Variants in ATP12A observed in about 807,000 individuals in gnomAD.
The protein encoded by ATP12A is ATPase H+/K+ transporting non-gastric alpha2 subunit.
In ATP12A, 81 loss-of-function variants were observed where a neutral mutation model predicts 111.2. The observed-to-expected ratio is 0.73, with a 90% CI of 0.61 to 0.88. The LOEUF is 0.88. ATP12A is among the 40% of genes least tolerant of loss of function. ATP12A has a pLI of 0.00. For missense variants in ATP12A, 1,196 were observed against 1,313.1 expected (o/e 0.91, Z 1.38); for synonymous variants, 498 against 499.8 (o/e 1.00, Z 0.05).
chr13:24,700,850 CTT>C lies in ATP12A; in HGVS notation c.1810_1811del (p.Leu604ValfsTer30), dbSNP rs776012774. The C allele has an allele frequency of 6.2e-7, 1 of 1,614,164 alleles. No homozygotes were observed. The highest frequency in any genetic ancestry group is 8.5e-7 in the Non-Finnish European group (1 of 1,180,028). ...CCTCCAACCTCTGTTTTGTGGGACT[CTT>C]GTCAATGATCGATCCCCCTCGGTCC... ...PTSNLCFVGL[L>X]SMIDPPRSTV... On this transcript the variant is annotated frameshift_variant, in exon 13 of 23. Transcript: ENST00000381946. LOFTEE classifies it high-confidence loss of function.
At chr13:24,700,350 T>G (rs1875339327) in intron 12 of ATP12A, among the ~76,000 whole-genome samples, 1 of 152,190 alleles carries the variant, frequency 6.6e-6, no homozygotes, top group Non-Finnish European at 1.5e-5. Context: ...CCTCTCAAGC[T>G]TCACCTCACA....
chr13:24,701,222 G>T (rs1875378778), intron 13 of ATP12A, among the ~76,000 whole-genome samples: 1 of 152,132 alleles, frequency 6.6e-6, no homozygotes. Context: ...TATTGGCTGG[G>T]CGCAGTGGCT....
chr13:24,693,579 A>C (rs2137700924), intron 10 of ATP12A, among the ~76,000 whole-genome samples: 1 of 152,068 alleles, frequency 6.6e-6, no homozygotes, highest in South Asian at 2.1e-4. Context: ...TCTTACCTCA[A>C]CTCCAACCCG....
rs139532001 is a variant in ATP12A, at chr13:24,688,494, C to A, written c.404C>A (p.Ser135Tyr). Residue 135 changes from serine to tyrosine, a missense_variant, in exon 4 of 23, where the codon TCC becomes TAC. Physicochemically the swap from Ser to Tyr is moderately radical, Grantham distance 144. Coordinates refer to ENST00000381946, the MANE Select transcript of ATP12A (RefSeq NM_001676.7). ...TGGATTGCATATGGGATTCAGTACTCCAGCGACAAGTCTGCATCCCTGAAC... is the reference window on the plus strand; with the variant it reads ...TGGATTGCATATGGGATTCAGTACTACAGCGACAAGTCTGCATCCCTGAAC... ...LCWIAYGIQY[S>Y]SDKSASLNNV... 3 of 1,605,942 alleles carry A rather than the reference C, an allele frequency of 1.9e-6. No individual in the cohort carries two copies. In the South Asian group the frequency reaches 3.3e-5, roughly 18 times the overall value.
At chr13:24,680,812 C>T (rs771477873) in intron 1 of ATP12A, 60 bp downstream of exon 1, 29 of 1,444,374 alleles carry the variant, frequency 2.0e-5, no homozygotes, top group Non-Finnish European at 2.5e-5. Context: ...CCCCGGGGAC[C>T]GGAGCAGGCT....
intron 4 of ATP12A, among the ~76,000 whole-genome samples, chr13:24,688,896 CA>C (rs1363037516): frequency 1.3e-5 from 2 of 152,078 alleles, no homozygotes; most frequent in African/African-American, 4.8e-5. Flanking sequence ...CCAGAGGCAA[CA>C]AGCTACATGT....
At chr13:24,705,001 T>C (rs1282192167) in intron 14 of ATP12A, among the ~76,000 whole-genome samples, 2 of 151,640 alleles carry the variant, frequency 1.3e-5, no homozygotes, top group Non-Finnish European at 1.5e-5. Flanking sequence ...TTACTTTCTT[T>C]TGTTTTGTTT....
intron 10 of ATP12A, 57 bp from the exon 11 acceptor site, chr13:24,694,387 A>G: frequency 6.2e-7 from 1 of 1,604,288 alleles, no homozygotes; most frequent in Non-Finnish European, 8.5e-7. Context: ...TCCTATGCTG[A>G]GGGCATGTTG....
chr13:24,690,809 T>C (rs1874861227), intron 7 of ATP12A, 88 bp downstream of exon 7: 2 of 1,455,080 alleles, frequency 1.4e-6, no homozygotes, highest in African/African-American at 2.8e-5. Context: ...CCACACCCCG[T>C]TACAAAGCTC....
In ATP12A at chr13:24,699,356, G is replaced by A. The variant is rs571211339; in HGVS notation, c.1705+506G>A. ...TGCCACTAGAGTGAGCTGGGCAGTC[G>A]CAGGGCTGGGGAAGACTTTATGGAA... On this transcript the variant is annotated intron_variant, in intron 12 of 22. Transcript: ENST00000381946. 3.9e-4 allele frequency among the ~76,000 whole-genome samples: 60 copies of A among 152,306 alleles called. 1 individual carries two copies. The highest frequency in any genetic ancestry group is 3.7e-3 in the South Asian group (18 of 4,828).
intron 7 of ATP12A, 94 bp from the exon 8 acceptor site, chr13:24,690,888 A>C (rs1414769609): frequency 2.0e-6 from 3 of 1,533,512 alleles, no homozygotes; most frequent in African/African-American, 1.4e-5. Context: ...TGGTGTGCCT[A>C]TCGATTGTGC....
At position 24,712,282 on chromosome 13, in the gene ATP12A, C is replaced by T. The variant is rs1222677827; in HGVS notation, c.*760C>T. On this transcript the variant is annotated 3_prime_UTR_variant, in exon 23 of 23. Transcript: ENST00000381946. ...GGGACTTTCTTTACCAGGATTCAAC[C>T]CTAGTAGAGAGCTGTTATGGTTTCA... 1 of 152,302 alleles carries T rather than the reference C, an allele frequency of 6.6e-6. No individual in the cohort carries two copies. The highest frequency in any genetic ancestry group is 1.9e-4 in the East Asian group (1 of 5,192). The allele number at this position is 152,302 out of a possible 1,614,324, so 9.4% of individuals were successfully genotyped here. A position where few individuals can be genotyped will look rare whatever the true frequency, so the allele number is the denominator to read the frequency against.
chr13:24,682,248 G>A lies in ATP12A; in HGVS notation c.168+528G>A, dbSNP rs1485922273. 2.3e-5 allele frequency among the ~76,000 whole-genome samples: 3 copies of A among 133,312 alleles called. 1 individual carries two copies. Among genetic ancestry groups the A allele is most frequent in the Non-Finnish European group, 3.2e-5 (2 of 62,100 alleles). 87.5% of individuals were successfully genotyped at this position (133,312 alleles called of 152,430 possible). A position where few individuals can be genotyped will look rare whatever the true frequency, so the allele number is the denominator to read the frequency against. Reference sequence around the variant, plus strand: ...TGTATGTGCATGGTATGTGTGGTGTGTGTGTAGCGTGTGGTGTGTGTGTAG... The same window carrying A: ...TGTATGTGCATGGTATGTGTGGTGTATGTGTAGCGTGTGGTGTGTGTGTAG... On this transcript the variant is annotated intron_variant, in intron 2 of 22. Coordinates refer to ENST00000381946, the MANE Select transcript of ATP12A (RefSeq NM_001676.7).
chr13:24,682,436 T>G (rs1874516144), intron 2 of ATP12A, among the ~76,000 whole-genome samples: 2 of 145,238 alleles, frequency 1.4e-5, no homozygotes, highest in African/African-American at 5.1e-5. Context: ...TGTGATAGTA[T>G]CCACCCAGAG....
chr13:24,707,016 G>C lies in ATP12A; in HGVS notation c.2170-7G>C. 6.3e-7 allele frequency: 1 copy of C among 1,586,212 alleles called. No homozygotes were observed. The highest frequency in any genetic ancestry group is 8.6e-7 in the Non-Finnish European group (1 of 1,164,146). Reference sequence around the variant, plus strand: ...CTCCCACTTTCTCCCTGGGTCCCCCGCCATAGGATGCTGTTGTTGCTGTGA... The same window carrying C: ...CTCCCACTTTCTCCCTGGGTCCCCCCCCATAGGATGCTGTTGTTGCTGTGA... On this transcript the variant is annotated splice_polypyrimidine_tract_variant and splice_region_variant and intron_variant, in intron 15 of 22. Transcript: ENST00000381946.
rs761377237 is a variant in ATP12A at position 24,701,922 on chromosome 13, G to C, written c.1882-13G>C. On this transcript the variant is annotated splice_polypyrimidine_tract_variant and intron_variant, in intron 13 of 22. Transcript: ENST00000381946. ...TTCATTACCCGTGGGCCTTCTCGTTGTCTTTGCTCTAGGTTATTATGGTTA... is the reference window on the plus strand; with the variant it reads ...TTCATTACCCGTGGGCCTTCTCGTTCTCTTTGCTCTAGGTTATTATGGTTA... The C allele has an allele frequency of 6.2e-7, 1 of 1,614,170 alleles. No homozygotes were observed. Among genetic ancestry groups the C allele is most frequent in the Non-Finnish European group, 8.5e-7 (1 of 1,180,020 alleles).
rs112189083 is a variant in ATP12A, at chr13:24,690,491, C to G, written c.681+19C>G. ...GTGTCGGGTAAGCGGCAAGGGGTAT[C>G]CACCCCAAGGACCATGTTCCAAACC... On this transcript the variant is annotated intron_variant, in intron 6 of 22. Transcript: ENST00000381946. The G allele has an allele frequency of 1.5e-5, 24 of 1,613,036 alleles. 1 individual carries two copies. The East Asian group carries it at 4.9e-4, about 33-fold the overall frequency.
intron 17 of ATP12A, among the ~76,000 whole-genome samples, chr13:24,708,735 A>G (rs565699156): frequency 6.6e-6 from 1 of 151,986 alleles, no homozygotes; most frequent in African/African-American, 2.4e-5. Flanking sequence ...AAGAACAAAT[A>G]AAATAAAAAT....
At chr13:24,681,393 A>G (rs1335689352) in intron 1 of ATP12A, among the ~76,000 whole-genome samples, 169 bp from the exon 2 acceptor site, 1 of 151,882 alleles carries the variant, frequency 6.6e-6, no homozygotes, top group African/African-American at 2.4e-5. Flanking sequence ...GGTCGGCGGG[A>G]GGTGGGGGAG....
Sources: gnomAD v4.1 joint callset for allele counts (sites outside exome capture counted in the v4.1 genomes callset) on GRCh38, gnomAD v4.1.1 for gene constraint, MANE v1.5 for transcripts, NCBI Gene and HGNC (gene_info 2026-07-23, HGNC 2026-07-21) for gene names.